Variants in STPG2 observed in about 807,000 individuals in gnomAD.
STPG2 encodes sperm-tail PG-rich repeat-containing protein 2.
Under a neutral mutation model 54.2 loss-of-function variants are expected in STPG2, and 56 were observed. That is an observed-to-expected ratio of 1.03 (90% CI 0.83 to 1.29). STPG2 has a LOEUF of 1.29. Ranked by LOEUF, STPG2 falls within the 50% of genes most tolerant of loss-of-function variation. The pLI, the probability that STPG2 is intolerant of heterozygous loss-of-function variation, is 0.00. For missense variants in STPG2, 596 were observed against 544.9 expected (o/e 1.09, Z -0.93); for synonymous variants, 200 against 181.8 (o/e 1.10, Z -0.81).
chr4:97,905,124 C>T (rs1429936149), intron 8 of STPG2, among the ~76,000 whole-genome samples: 2 of 151,376 alleles, frequency 1.3e-5, no homozygotes, highest in South Asian at 2.1e-4. Flanking sequence ...AGATACTCCT[C>T]GAGAAGAGCA....
intron 4 of STPG2, among the ~76,000 whole-genome samples, chr4:97,460,179 A>G (rs1037557526): frequency 2.6e-5 from 4 of 151,992 alleles, no homozygotes; most frequent in Admixed American, 6.6e-5. Context: ...CTGCACCCCT[A>G]TATTATATCC....
intron 10 of STPG2, among the ~76,000 whole-genome samples, chr4:97,693,175 C>A (rs1461123897): frequency 6.6e-6 from 1 of 150,654 alleles, no homozygotes; most frequent in Non-Finnish European, 1.5e-5. Flanking sequence ...CAACAAATAG[C>A]ATGATGAATA....
chr4:97,920,805 T>A (rs1732072528), intron 8 of STPG2, among the ~76,000 whole-genome samples: 1 of 152,200 alleles, frequency 6.6e-6, no homozygotes, highest in Non-Finnish European at 1.5e-5. Flanking sequence ...GCATATTAAC[T>A]TTTTTACCTA....
intron 8 of STPG2, among the ~76,000 whole-genome samples, chr4:97,907,890 C>T (rs1207168757): frequency 7.2e-5 from 11 of 152,110 alleles, no homozygotes; most frequent in African/African-American, 9.7e-5. Context: ...AAGACTTAAA[C>T]GTTAGACCTA....
intron 10 of STPG2, among the ~76,000 whole-genome samples, chr4:97,685,052 A>T (rs1371877637): frequency 6.6e-6 from 1 of 152,048 alleles, no homozygotes; most frequent in Non-Finnish European, 1.5e-5. Context: ...GAATGGCCAA[A>T]ATCCAAGACA....
chr4:97,484,658 T>C (rs1730309312), intron 4 of STPG2, among the ~76,000 whole-genome samples: 1 of 151,616 alleles, frequency 6.6e-6, no homozygotes, highest in African/African-American at 2.4e-5. Context: ...ACCAATCCTT[T>C]TGACACTATT....
At position 98,130,937 on chromosome 4, in the gene STPG2, AAACAAAAAAAAAAC is replaced by A. The variant is rs1195739454; in HGVS notation, c.223-2359_223-2346del. 4.5e-4 allele frequency among the ~76,000 whole-genome samples: 66 copies of A among 146,732 alleles called. 4 individuals carry two copies. Among genetic ancestry groups the A allele is most frequent in the African/African-American group, 1.0e-3 (40 of 39,734 alleles). On this transcript the variant is annotated intron_variant, in intron 2 of 10. Transcript: ENST00000295268. ...ACTCCGTCTCAAAAAAAAAAAAAAA[AAACAAAAAAAAAAC>A]GACTTTCCAAAATATAGCCCCTACC...
chr4:98,078,102 GA>G (rs1198065823), intron 5 of STPG2, among the ~76,000 whole-genome samples: 2 of 151,466 alleles, frequency 1.3e-5, no homozygotes, highest in Admixed American at 6.6e-5. Flanking sequence ...GAGAGAGAGA[GA>G]AAAAAAAGAG....
intron 5 of STPG2, among the ~76,000 whole-genome samples, chr4:97,993,364 T>A (rs983407265): frequency 6.6e-6 from 1 of 152,138 alleles, no homozygotes; most frequent in East Asian, 1.9e-4. Flanking sequence ...ATTCTATTTA[T>A]GTAGTATATC....
At chr4:97,676,095 T>C (rs1722835323) in intron 10 of STPG2, among the ~76,000 whole-genome samples, 1 of 147,312 alleles carries the variant, frequency 6.8e-6, no homozygotes, top group African/African-American at 2.5e-5. Context: ...ATATACTAAA[T>C]ATATACTATA....
rs188973155 is a variant in STPG2, at chr4:97,836,410, G to T, written c.1204+4363C>A. The stretch of plus-strand genomic sequence containing the variant: ...CAGTATTTTTAATTAAGCCATTTAC[G>T]TTGTTTTATTCAGACATAATGCTAT... On this transcript the variant is annotated intron_variant, in intron 9 of 10. Coordinates refer to ENST00000295268, the MANE Select transcript of STPG2 (RefSeq NM_174952.3). Among the ~76,000 whole-genome samples the T allele has an allele frequency of 4.0e-3, 612 of 151,900 alleles. 3 individuals carry two copies. Among genetic ancestry groups the T allele is most frequent in the Non-Finnish European group, 5.8e-3 (397 of 67,866 alleles).
At chr4:97,520,278 TC>T (rs1384880218) in intron 4 of STPG2, among the ~76,000 whole-genome samples, 10 of 152,078 alleles carry the variant, frequency 6.6e-5, no homozygotes, top group Non-Finnish European at 1.3e-4. Flanking sequence ...CATTACATCC[TC>T]AGTAGTCTAC....
At chr4:97,679,314 C>T (rs1722953393) in intron 10 of STPG2, among the ~76,000 whole-genome samples, 1 of 151,796 alleles carries the variant, frequency 6.6e-6, no homozygotes. Context: ...TAATGATTGC[C>T]ATTCTAACTG....
intron 5 of STPG2, among the ~76,000 whole-genome samples, chr4:98,089,547 C>T (rs997248694): frequency 6.6e-6 from 1 of 151,668 alleles, no homozygotes; most frequent in Admixed American, 6.6e-5. Context: ...GTAATGACTT[C>T]TTTTCCTTTG....
intron 4 of STPG2, among the ~76,000 whole-genome samples, chr4:97,468,763 C>A (rs1257992368): frequency 6.6e-6 from 1 of 152,020 alleles, no homozygotes; most frequent in East Asian, 1.9e-4. Context: ...TCTCCTTAGG[C>A]AGAGAAAATT....
At chr4:97,499,620 G>C (rs1200147289) in intron 4 of STPG2, among the ~76,000 whole-genome samples, 1 of 151,876 alleles carries the variant, frequency 6.6e-6, no homozygotes, top group East Asian at 1.9e-4. Flanking sequence ...ATGGTATGAA[G>C]AAAATTAAAG....
At chr4:97,915,575 C>T (rs1379446248) in intron 8 of STPG2, among the ~76,000 whole-genome samples, 1 of 151,936 alleles carries the variant, frequency 6.6e-6, no homozygotes, top group Non-Finnish European at 1.5e-5. Context: ...CTGCCCCTTG[C>T]CTGAGGGTAA....
At chr4:97,739,526 G>T (rs1725145462) in intron 9 of STPG2, among the ~76,000 whole-genome samples, 1 of 152,152 alleles carries the variant, frequency 6.6e-6, no homozygotes, top group Non-Finnish European at 1.5e-5. Context: ...AAACGATAAA[G>T]GGGATATCAC....
Position 97,678,007 on chromosome 4 carries a change from C to A in STPG2, c.1320+34692G>T, listed in dbSNP as rs111703726. Among the ~76,000 whole-genome samples, 446 of 151,926 alleles carry A rather than the reference C, an allele frequency of 2.9e-3. 2 individuals are homozygous for A. Among genetic ancestry groups the A allele is most frequent in the African/African-American group, 0.01 (431 of 41,426 alleles). ...AAACCTATATATACATCATTAAATA[C>A]TGTTCTTTGGGGAAAAAAGCCATAT... On this transcript the variant is annotated intron_variant, in intron 10 of 10. Transcript: ENST00000295268.
Sources: allele counts gnomAD v4.1 joint callset (sites outside exome capture counted in the v4.1 genomes callset), GRCh38; gene constraint gnomAD v4.1.1; transcripts MANE v1.5; gene names NCBI Gene and HGNC (gene_info 2026-07-23, HGNC 2026-07-21).